Variants in ROBO2 observed in about 807,000 individuals in gnomAD.
ROBO2 encodes the protein roundabout homolog 2.
In ROBO2, 53 loss-of-function variants were observed where a neutral mutation model predicts 160.8. That is an observed-to-expected ratio of 0.33 (90% CI 0.26 to 0.41). The LOEUF is 0.41. ROBO2 is among the 10% of genes least tolerant of loss of function. The pLI is 1.00. For missense variants in ROBO2, 1,577 were observed against 1,722.4 expected (o/e 0.92, Z 1.49); for synonymous variants, 664 against 611.7 (o/e 1.09, Z -1.26).
intron 2 of ROBO2, among the ~76,000 whole-genome samples, chr3:76,450,762 C>T (rs1207024764): frequency 6.6e-6 from 1 of 152,096 alleles, no homozygotes; most frequent in African/African-American, 2.4e-5. Context: ...AAAAAATTTG[C>T]AAATTTCAAA....
chr3:76,338,517 A>C (rs2074026349), intron 2 of ROBO2, among the ~76,000 whole-genome samples: 1 of 151,948 alleles, frequency 6.6e-6, no homozygotes, highest in Non-Finnish European at 1.5e-5. Flanking sequence ...ACTCTTAAAA[A>C]AAAAAATTAG....
chr3:76,235,855 T>G (rs1050541149), intron 2 of ROBO2, among the ~76,000 whole-genome samples: 2 of 152,132 alleles, frequency 1.3e-5, no homozygotes, highest in Admixed American at 1.3e-4. Context: ...TAATAAAAGC[T>G]GAAGAGCCAG....
intron 2 of ROBO2, among the ~76,000 whole-genome samples, chr3:76,163,468 CAT>C (rs1048569238): frequency 6.7e-6 from 1 of 149,350 alleles, no homozygotes; most frequent in South Asian, 2.1e-4. Flanking sequence ...ATGCAATTGA[CAT>C]ATATTGTATA....
chr3:77,272,159 T>G (rs1240447668), intron 2 of ROBO2, among the ~76,000 whole-genome samples: 1 of 152,222 alleles, frequency 6.6e-6, no homozygotes, highest in African/African-American at 2.4e-5. Flanking sequence ...ATATTTTAAA[T>G]TGATGAACTA....
intron 1 of ROBO2, among the ~76,000 whole-genome samples, chr3:77,054,068 G>A (rs1031345916): frequency 2.0e-5 from 3 of 152,128 alleles, no homozygotes; most frequent in African/African-American, 7.2e-5. Context: ...AGAGATTTTG[G>A]CAGAATAGAA....
At chr3:76,609,900 A>G (rs1365652542) in intron 2 of ROBO2, among the ~76,000 whole-genome samples, 1 of 152,124 alleles carries the variant, frequency 6.6e-6, no homozygotes, top group Non-Finnish European at 1.5e-5. Flanking sequence ...GGGCTTTGAA[A>G]TTAGGGCTTA....
At chr3:76,932,441 C>G (rs549889481) in intron 2 of ROBO2, among the ~76,000 whole-genome samples, 17 of 151,972 alleles carry the variant, frequency 1.1e-4, no homozygotes, top group Non-Finnish European at 2.2e-4. Flanking sequence ...CACACACACA[C>G]ATACACGTGT....
At chr3:76,455,994 G>A (rs1377695195) in intron 2 of ROBO2, among the ~76,000 whole-genome samples, 3 of 152,034 alleles carry the variant, frequency 2.0e-5, no homozygotes, top group Admixed American at 1.3e-4. Context: ...CAAAAAGGCT[G>A]GTGTTTCTTT....
At chr3:76,170,340 T>A (rs941781833) in intron 2 of ROBO2, among the ~76,000 whole-genome samples, 4 of 152,196 alleles carry the variant, frequency 2.6e-5, no homozygotes, top group Non-Finnish European at 5.9e-5. Context: ...ATAGTTGAAT[T>A]AAATGTAGAA....
chr3:76,775,203 C>T (rs1210906247), intron 2 of ROBO2, among the ~76,000 whole-genome samples: 1 of 150,460 alleles, frequency 6.6e-6, no homozygotes, highest in Non-Finnish European at 1.5e-5. Context: ...ACTGCTTAAC[C>T]CCTACATACA....
At chr3:77,207,939 A>G (rs181726334) in intron 2 of ROBO2, among the ~76,000 whole-genome samples, 7 of 152,170 alleles carry the variant, frequency 4.6e-5, no homozygotes, top group Non-Finnish European at 1.0e-4. Flanking sequence ...GATTTCATAC[A>G]CAACAGGAGC....
At chr3:76,603,349 A>ATATATGT (rs1220084029) in intron 2 of ROBO2, among the ~76,000 whole-genome samples, 6 of 40,626 alleles carry the variant, frequency 1.5e-4, no homozygotes, top group African/African-American at 7.2e-4. Flanking sequence ...AAAAAAAAAA[A>ATATATGT]AAATATATAT....
chr3:76,993,312 A>G lies in ROBO2; in HGVS notation c.110-104702A>G, dbSNP rs374291720. On this transcript the variant is annotated intron_variant, in intron 2 of 26. Transcript: ENST00000487694. ...ATAAAATGTAAACATCACTCTTAGC[A>G]ACTCTTGTCTTGAAAAGTGAAGGAA... is the stretch of plus-strand genomic sequence containing the variant. Among the ~76,000 whole-genome samples, 8 of 152,322 alleles carry G rather than the reference A, an allele frequency of 5.3e-5. No homozygotes were observed. The South Asian group carries it at 1.2e-3, about 24-fold the overall frequency.
chr3:77,031,656 CATAAT>C (rs1221207940), intron 2 of ROBO2, among the ~76,000 whole-genome samples: 1 of 144,302 alleles, frequency 6.9e-6, no homozygotes, highest in African/African-American at 2.5e-5. Flanking sequence ...ATATAAGACA[CATAAT>C]ATATAATATA....
At chr3:75,948,903 G>A (rs1948430952) in intron 2 of ROBO2, among the ~76,000 whole-genome samples, 1 of 152,040 alleles carries the variant, frequency 6.6e-6, no homozygotes, top group African/African-American at 2.4e-5. Context: ...CTAATGTCTG[G>A]TTAACATCTG....
intron 2 of ROBO2, among the ~76,000 whole-genome samples, chr3:76,831,084 A>C (rs1304242816): frequency 6.6e-6 from 1 of 152,140 alleles, no homozygotes; most frequent in Non-Finnish European, 1.5e-5. Flanking sequence ...TTTTCTCAGC[A>C]TTTATCACAG....
chr3:75,920,578 A>G (rs182807205), intron 1 of ROBO2, among the ~76,000 whole-genome samples: 5 of 152,252 alleles, frequency 3.3e-5, no homozygotes, highest in Admixed American at 3.3e-4. Context: ...AAGTCTGAAT[A>G]TCCTTGTTAA....
At chr3:76,757,367 G>T (rs747161073) in intron 2 of ROBO2, among the ~76,000 whole-genome samples, 8 of 151,716 alleles carry the variant, frequency 5.3e-5, no homozygotes, top group Non-Finnish European at 7.4e-5. Flanking sequence ...CGCCTTAGCT[G>T]GAACAAAAAG....
intron 6 of ROBO2, among the ~76,000 whole-genome samples, chr3:77,524,570 T>G (rs575853709): frequency 6.6e-6 from 1 of 151,386 alleles, no homozygotes; most frequent in African/African-American, 2.4e-5. Context: ...TGAGGAGTTG[T>G]TTGTTTGTAG....
Sources: allele counts gnomAD v4.1 joint callset (sites outside exome capture counted in the v4.1 genomes callset), GRCh38; gene constraint gnomAD v4.1.1; transcripts MANE v1.5; gene names NCBI Gene and HGNC (gene_info 2026-07-23, HGNC 2026-07-21).